STARD13: variants seen among roughly 807,000 people sequenced by gnomAD.
STARD13 encodes stAR-related lipid transfer protein 13.
STARD13 carries 62 observed loss-of-function variants against 106.4 expected under a neutral mutation model. The observed-to-expected ratio is 0.58, with a 90% CI of 0.48 to 0.72. The LOEUF is 0.72. Ranked by LOEUF, STARD13 falls within the 30% of genes least tolerant of loss-of-function variation. The probability of loss-of-function intolerance (pLI) is 0.00; values close to 1 mark genes in which losing one functional copy is unlikely to be tolerated. For missense variants in STARD13, 1,387 were observed against 1,424.0 expected, an observed-to-expected ratio of 0.97 and a Z score of 0.42; for synonymous variants, 565 against 553.0, an observed-to-expected ratio of 1.02 and a Z score of -0.31.
the STARD13 span, among the ~76,000 whole-genome samples, chr13:33,609,979 A>C: frequency 2.0e-5 from 3 of 152,216 alleles, no homozygotes; most frequent in South Asian, 2.1e-4. Flanking sequence ...TGGGGAAAAA[A>C]GTCATGCTCC....
chr13:33,247,976 G>A (rs1952643465), intron 1 of STARD13, among the ~76,000 whole-genome samples: 2 of 152,170 alleles, frequency 1.3e-5, no homozygotes, highest in African/African-American at 2.4e-5. Context: ...CATCTTCTGG[G>A]GGGTCCTTAT....
the STARD13 span, among the ~76,000 whole-genome samples, chr13:33,360,210 T>C: frequency 2.6e-5 from 4 of 152,192 alleles, no homozygotes; most frequent in Admixed American, 6.5e-5. Flanking sequence ...CAGTCGATTT[T>C]TTTTTTTCTT....
the STARD13 span, among the ~76,000 whole-genome samples, chr13:33,571,566 G>A: frequency 6.7e-6 from 1 of 150,282 alleles, no homozygotes; most frequent in Non-Finnish European, 1.5e-5. Flanking sequence ...AGCCAGCAAG[G>A]CCACACTCTT....
intron 1 of STARD13, among the ~76,000 whole-genome samples, chr13:33,249,757 C>CCAT (rs1437969956): frequency 6.6e-6 from 1 of 152,072 alleles, no homozygotes; most frequent in African/African-American, 2.4e-5. Flanking sequence ...CTTCCTAATG[C>CCAT]CATCATACAC....
chr13:33,129,928 T>C lies in STARD13; in HGVS notation c.749A>G (p.Lys250Arg), dbSNP rs3742321. Reference sequence around the variant, plus strand: ...TGATTTGGCCCTAGCCCTCGTGGGCTTCTCATTCTTGGGGTGGAAGGGGTG... The same window carrying C: ...TGATTTGGCCCTAGCCCTCGTGGGCCTCTCATTCTTGGGGTGGAAGGGGTG... The part of the protein sequence containing the change: ...LNHPFHPKNE[K>R]PTRARAKSFL... The change falls in exon 5 of 14, where the codon AAG becomes AGG. Residue 250 changes from lysine (K) to arginine (R), a missense_variant. Physicochemically the swap from Lys to Arg is conservative, Grantham distance 26 (BLOSUM62 2). Transcript: ENST00000336934. 366,745 of 1,613,144 alleles carry C rather than the reference T, an allele frequency of 0.23. 43,207 individuals carry two copies. Among genetic ancestry groups the C allele is most frequent in the Admixed American group, 0.3 (18,172 of 60,000 alleles).
chr13:33,161,818 G>C (rs990370580), intron 3 of STARD13, among the ~76,000 whole-genome samples: 1 of 152,176 alleles, frequency 6.6e-6, no homozygotes, highest in Non-Finnish European at 1.5e-5. Flanking sequence ...GTGTGGGAAG[G>C]CCTCAGGATC....
the STARD13 span, among the ~76,000 whole-genome samples, chr13:33,382,796 C>G: frequency 6.6e-6 from 1 of 152,308 alleles, no homozygotes; most frequent in African/African-American, 2.4e-5. Context: ...AATAAATGCT[C>G]TTCCACCGAT....
At chr13:33,590,341 A>G in the STARD13 span, among the ~76,000 whole-genome samples, 39 of 152,184 alleles carry the variant, frequency 2.6e-4, 2 homozygotes, top group East Asian at 5.4e-3. Flanking sequence ...CAGCCATCCC[A>G]TTACTGGGTA....
the STARD13 span, among the ~76,000 whole-genome samples, chr13:33,492,119 C>T: frequency 6.6e-6 from 1 of 152,150 alleles, no homozygotes; most frequent in African/African-American, 2.4e-5. Context: ...AGGAATTTCA[C>T]AAGGTAATGT....
At chr13:33,651,440 C>T in the STARD13 span, among the ~76,000 whole-genome samples, 1 of 152,180 alleles carries the variant, frequency 6.6e-6, no homozygotes, top group Non-Finnish European at 1.5e-5. Context: ...TAGGATAGTC[C>T]CATTTCATGC....
At chr13:33,535,837 G>C in the STARD13 span, among the ~76,000 whole-genome samples, 1 of 152,148 alleles carries the variant, frequency 6.6e-6, no homozygotes, top group African/African-American at 2.4e-5. Flanking sequence ...GGAAATAAAA[G>C]GCACATTTGT....
rs765442978 is a variant in STARD13, at chr13:33,129,213, G to A, written c.1464C>T (p.Asp488=). 6.2e-7 allele frequency: 1 copy of A among 1,614,218 alleles called. No homozygotes were observed. The highest frequency in any genetic ancestry group is 8.5e-7 in the Non-Finnish European group (1 of 1,180,032). The change falls in exon 5 of 14, where the codon GAC becomes GAT. Residue 488 remains aspartate (D), a synonymous_variant. Coordinates refer to ENST00000336934, the MANE Select transcript of STARD13 (RefSeq NM_178006.4). The part of the protein sequence containing the change: ...EKDDLFPHLD[D]ILQHVNGLQE... Reference sequence around the variant, plus strand: ...GGAGCCCATTGACATGCTGCAGAATGTCATCCAAGTGAGGGAAAAGGTCAT... The same window carrying A: ...GGAGCCCATTGACATGCTGCAGAATATCATCCAAGTGAGGGAAAAGGTCAT...
At chr13:33,349,291 T>TCCCCCAGTC (rs2078047505) in intron 1 of STARD13, 2 of 698,566 alleles carry the variant, frequency 2.9e-6, no homozygotes, top group South Asian at 3.0e-5. Flanking sequence ...CAATCATGCT[T>TCCCCCAGTC]CCCCCAGTCC....
chr13:33,327,227 C>G (rs953664351), intron 1 of STARD13, among the ~76,000 whole-genome samples: 2 of 152,288 alleles, frequency 1.3e-5, no homozygotes, highest in Non-Finnish European at 2.9e-5. Flanking sequence ...TATCTTCTGT[C>G]TCCATTAAAT....
At chr13:33,222,254 C>T (rs1888400037) in intron 1 of STARD13, among the ~76,000 whole-genome samples, 1 of 152,100 alleles carries the variant, frequency 6.6e-6, no homozygotes, top group East Asian at 1.9e-4. Flanking sequence ...CATGAGGTAC[C>T]TAGAGAAGTC....
chr13:33,663,752 G>C, the STARD13 span, among the ~76,000 whole-genome samples: 1 of 152,192 alleles, frequency 6.6e-6, no homozygotes, highest in Non-Finnish European at 1.5e-5. Context: ...GTGGACAGCA[G>C]AGCAGGAGGG....
At chr13:33,514,518 A>C in the STARD13 span, among the ~76,000 whole-genome samples, 68 of 152,202 alleles carry the variant, frequency 4.5e-4, no homozygotes, top group African/African-American at 1.6e-3. Context: ...AAGTGAGTAA[A>C]AGTGGAAAGA....
intron 1 of STARD13, among the ~76,000 whole-genome samples, chr13:33,192,008 C>A (rs1272336399): frequency 2.6e-5 from 4 of 152,196 alleles, no homozygotes; most frequent in Admixed American, 6.5e-5. Context: ...TGCACATGGC[C>A]TTGGATGGTA....
In STARD13 at chr13:33,214,100, C is replaced by T. The variant is rs1385910938; in HGVS notation, c.170-46478G>A. ...GGGGTTCGCATCACAAGCGACTGTG[C>T]GATGAAATATTCTAAAAATCTAGCA... On this transcript the variant is annotated intron_variant, in intron 1 of 13. Transcript: ENST00000336934. 2.0e-5 allele frequency among the ~76,000 whole-genome samples: 3 copies of T among 152,128 alleles called. No homozygotes were observed. The South Asian group carries it at 6.2e-4, about 32-fold the overall frequency.
Sources: gnomAD v4.1 joint callset for allele counts (sites outside exome capture counted in the v4.1 genomes callset) on GRCh38, gnomAD v4.1.1 for gene constraint, MANE v1.5 for transcripts, NCBI Gene and HGNC (gene_info 2026-07-23, HGNC 2026-07-21) for gene names.